The following PIP5K1B variants were observed in gnomAD, a reference collection of about 807,000 sequenced individuals.
The protein encoded by PIP5K1B is phosphatidylinositol-4-phosphate 5-kinase type 1 beta, also known as phosphatidylinositol 4-phosphate 5-kinase type-1 beta.
PIP5K1B carries 42 observed loss-of-function variants against 67.0 expected under a neutral mutation model. The observed-to-expected ratio is 0.63, with a 90% CI of 0.49 to 0.81. The LOEUF (loss-of-function observed/expected upper bound fraction) is 0.81. PIP5K1B is among the 30% of genes least tolerant of loss of function. The pLI, the probability that PIP5K1B is intolerant of heterozygous loss-of-function variation, is 0.00. For synonymous variants in PIP5K1B, 214 were observed against 231.4 expected (o/e 0.92, Z 0.68); for missense variants, 459 against 646.3 (o/e 0.71, Z 3.14).
chr9:69,004,336 TTTGTG>T (rs779461900), intron 15 of PIP5K1B, among the ~76,000 whole-genome samples: 14 of 119,850 alleles, frequency 1.2e-4, no homozygotes. Context: ...TGTGTGTGTT[TTTGTG>T]TGTGTGTGTG....
At chr9:68,949,430 G>A (rs1031233847) in intron 14 of PIP5K1B, among the ~76,000 whole-genome samples, 2 of 152,184 alleles carry the variant, frequency 1.3e-5, no homozygotes, top group Non-Finnish European at 2.9e-5. Context: ...TCCCCTCTCT[G>A]TTCTTTCTGA....
chr9:68,781,724 A>G (rs986641010), intron 2 of PIP5K1B: 1 of 166,720 alleles, frequency 6.0e-6, no homozygotes, highest in African/African-American at 2.4e-5. Flanking sequence ...TATAACTACT[A>G]TAGAGAAAAT....
intron 14 of PIP5K1B, among the ~76,000 whole-genome samples, chr9:68,982,922 A>G (rs1829948161): frequency 6.6e-6 from 1 of 152,178 alleles, no homozygotes; most frequent in Non-Finnish European, 1.5e-5. Context: ...CACAATGGAC[A>G]TGCACATACA....
chr9:68,814,561 A>T (rs1490452814), intron 2 of PIP5K1B, among the ~76,000 whole-genome samples: 1 of 152,188 alleles, frequency 6.6e-6, no homozygotes, highest in African/African-American at 2.4e-5. Context: ...CATGCCTGTA[A>T]TCCCAGCACT....
chr9:68,778,544 A>AT (rs1303854685), intron 2 of PIP5K1B, among the ~76,000 whole-genome samples: 1 of 152,218 alleles, frequency 6.6e-6, no homozygotes, highest in Non-Finnish European at 1.5e-5. Flanking sequence ...AACTCAACAC[A>AT]TATCCTCAGT....
At chr9:68,816,764 G>A (rs1833468195) in intron 2 of PIP5K1B, among the ~76,000 whole-genome samples, 2 of 152,184 alleles carry the variant, frequency 1.3e-5, no homozygotes, top group South Asian at 2.1e-4. Context: ...GATTCCATTT[G>A]AAGTAAGAGC....
chr9:68,725,240 C>T (rs1469343632), intron 1 of PIP5K1B, among the ~76,000 whole-genome samples: 9 of 152,144 alleles, frequency 5.9e-5, no homozygotes, highest in African/African-American at 2.2e-4. Context: ...GCAGTGAGAG[C>T]CCTTATCCAA....
intron 2 of PIP5K1B, among the ~76,000 whole-genome samples, chr9:68,793,401 AG>A (rs1375434903): frequency 1.3e-5 from 2 of 152,154 alleles, no homozygotes; most frequent in Non-Finnish European, 2.9e-5. Flanking sequence ...ACCAATTAGG[AG>A]GCTATCCAGC....
At chr9:68,737,164 TA>T (rs1035071709) in intron 1 of PIP5K1B, among the ~76,000 whole-genome samples, 6 of 152,246 alleles carry the variant, frequency 3.9e-5, no homozygotes, top group African/African-American at 1.4e-4. Context: ...TCAGTTTCCC[TA>T]CAACGTCACC....
chr9:68,798,061 A>G (rs1456204464), intron 2 of PIP5K1B, among the ~76,000 whole-genome samples: 2 of 151,456 alleles, frequency 1.3e-5, no homozygotes, highest in Non-Finnish European at 2.9e-5. Flanking sequence ...GTTTTTTTTC[A>G]TTCCCCGTGG....
intron 12 of PIP5K1B, among the ~76,000 whole-genome samples, chr9:68,923,607 A>G (rs1039762003): frequency 6.6e-6 from 1 of 152,212 alleles, no homozygotes; most frequent in African/African-American, 2.4e-5. Flanking sequence ...GTCCAACCAT[A>G]TAATATATTG....
chr9:68,954,066 G>T (rs958462956), intron 14 of PIP5K1B, among the ~76,000 whole-genome samples: 1 of 151,852 alleles, frequency 6.6e-6, no homozygotes, highest in African/African-American at 2.4e-5. Flanking sequence ...CACACATCCT[G>T]TTCTGTGTTT....
At chr9:68,857,017 A>G (rs190807407) in intron 4 of PIP5K1B, among the ~76,000 whole-genome samples, 1 of 152,344 alleles carries the variant, frequency 6.6e-6, no homozygotes, top group East Asian at 1.9e-4. Context: ...GATCAGAGTC[A>G]CAGAAGATGT....
At chr9:68,771,257 T>G (rs559474370) in intron 2 of PIP5K1B, among the ~76,000 whole-genome samples, 35 of 152,372 alleles carry the variant, frequency 2.3e-4, no homozygotes, top group African/African-American at 8.4e-4. Flanking sequence ...ACAACTGCTT[T>G]GGGACAAATA....
At chr9:68,755,305 C>T (rs572775368) in intron 2 of PIP5K1B, among the ~76,000 whole-genome samples, 2 of 152,276 alleles carry the variant, frequency 1.3e-5, no homozygotes, top group South Asian at 4.1e-4. Flanking sequence ...TTTTGGATAG[C>T]ACCATGGCAC....
intron 2 of PIP5K1B, among the ~76,000 whole-genome samples, chr9:68,755,122 G>A (rs1009597218): frequency 6.6e-6 from 1 of 152,208 alleles, no homozygotes; most frequent in Non-Finnish European, 1.5e-5. Flanking sequence ...TTTATGTAAT[G>A]TAAAGCCTTT....
intron 14 of PIP5K1B, among the ~76,000 whole-genome samples, chr9:68,971,390 A>G (rs561282589): frequency 1.2e-4 from 18 of 152,212 alleles, no homozygotes; most frequent in Middle Eastern, 3.4e-3. Flanking sequence ...TATCTAGTCT[A>G]TCATTGATGG....
intron 12 of PIP5K1B, among the ~76,000 whole-genome samples, chr9:68,932,872 A>T (rs940199932): frequency 1.3e-5 from 2 of 152,134 alleles, no homozygotes; most frequent in African/African-American, 4.8e-5. Flanking sequence ...AGGCCAAGGC[A>T]GGCAGATCAC....
In PIP5K1B at chr9:68,926,346, C is replaced by T. The variant is rs182937014; in HGVS notation, c.1201+2960C>T. ...ATATGGCATGTGTCGCAGATTTTTC[C>T]GGTTTGGATAATTTTTCAGGTTTTT... is the stretch of plus-strand genomic sequence containing the variant. On this transcript the variant is annotated intron_variant, in intron 12 of 15. Coordinates refer to ENST00000265382, the MANE Select transcript of PIP5K1B (RefSeq NM_003558.4). Among the ~76,000 whole-genome samples, 214 of 152,008 alleles carry T rather than the reference C, an allele frequency of 1.4e-3. 1 individual carries two copies. Among genetic ancestry groups the T allele is most frequent in the Middle Eastern group, 3.4e-3 (1 of 294 alleles).
Sources: allele counts gnomAD v4.1 joint callset (sites outside exome capture counted in the v4.1 genomes callset), GRCh38; gene constraint gnomAD v4.1.1; transcripts MANE v1.5; gene names NCBI Gene and HGNC (gene_info 2026-07-23, HGNC 2026-07-21).